DNAH9: variants seen among roughly 807,000 people sequenced by gnomAD.
DNAH9 encodes the protein dynein axonemal heavy chain 9, also known as DNAH9 variant protein.
Under a neutral mutation model 471.6 loss-of-function variants are expected in DNAH9, and 345 were observed. The observed-to-expected ratio is 0.73, with a 90% CI of 0.67 to 0.80. DNAH9 has a LOEUF of 0.80. Ranked by LOEUF, DNAH9 falls within the 30% of genes least tolerant of loss-of-function variation. The pLI is 0.00. For synonymous variants in DNAH9, 2,093 were observed against 2,123.6 expected, an observed-to-expected ratio of 0.99 and a Z score of 0.40; for missense variants, 5,407 against 5,609.2, an observed-to-expected ratio of 0.96 and a Z score of 1.15.
intron 59 of DNAH9, 96 bp from the exon 60 acceptor site, chr17:11,902,623 G>T: frequency 9.1e-7 from 1 of 1,102,950 alleles, no homozygotes; most frequent in Non-Finnish European, 1.3e-6. Context: ...AGACAGAATT[G>T]TGTAGATAAG....
chr17:11,783,815 A>T, intron 40 of DNAH9, 67 bp downstream of exon 40: 1 of 1,338,014 alleles, frequency 7.5e-7, no homozygotes, highest in South Asian at 1.2e-5. Flanking sequence ...CCTTGATTAT[A>T]AGTATAATAA....
intron 17 of DNAH9, among the ~76,000 whole-genome samples, chr17:11,670,496 G>T (rs1426035064): frequency 6.6e-6 from 1 of 152,110 alleles, no homozygotes; most frequent in Non-Finnish European, 1.5e-5. Context: ...TGGAGTGCTG[G>T]ATGAGACTGC....
rs544126048 is a variant in DNAH9, at chr17:11,768,646, C to A, written c.7344+20C>A. On this transcript the variant is annotated intron_variant, in intron 37 of 68. Transcript: ENST00000262442. ...TTGCAGGTGAGTGCAGCTGAGCAGC[C>A]GAGGACGTGCGTGCAGTTGCCCTCA... 1.9e-6 allele frequency: 3 copies of A among 1,608,758 alleles called. No homozygotes were observed. In the African/African-American group the frequency reaches 4.0e-5, roughly 22 times the overall value.
At chr17:11,938,320 G>A (rs1974780512) in intron 66 of DNAH9, among the ~76,000 whole-genome samples, 1 of 151,982 alleles carries the variant, frequency 6.6e-6, no homozygotes, top group Non-Finnish European at 1.5e-5. Context: ...TTAGCCGGGT[G>A]TGGTGGTGGG....
At chr17:11,940,197 C>T (rs916580815) in intron 66 of DNAH9, among the ~76,000 whole-genome samples, 4 of 152,202 alleles carry the variant, frequency 2.6e-5, no homozygotes, top group African/African-American at 9.7e-5. Context: ...TTGGAACCCA[C>T]TCCTCCTATC....
At position 11,929,896 on chromosome 17, in the gene DNAH9, A is replaced by G; in HGVS notation, c.11908A>G (p.Thr3970Ala). Residue 3970 changes from threonine to alanine, a missense_variant, in exon 63 of 69, where the codon ACC becomes GCC. Transcript: ENST00000262442. The stretch of plus-strand genomic sequence containing the variant: ...TCACCTGGTGGCCAAGTGGCTCAGC[A>G]CCCTGGAGAAGAAGCTGGAGGAGCA... ...NIHLVAKWLS[T>A]LEKKLEEHSE... The G allele has an allele frequency of 6.2e-7, 1 of 1,613,830 alleles. No homozygotes were observed.
At chr17:11,617,055 G>T (rs148771233) in intron 4 of DNAH9, among the ~76,000 whole-genome samples, 1 of 152,246 alleles carries the variant, frequency 6.6e-6, no homozygotes, top group African/African-American at 2.4e-5. Context: ...ATTGCCAAGC[G>T]TCTCGGCCAG....
At chr17:11,704,562 G>T in intron 25 of DNAH9, 120 bp downstream of exon 25, 2 of 883,970 alleles carry the variant, frequency 2.3e-6, no homozygotes, top group Non-Finnish European at 3.4e-6. Flanking sequence ...GCTGGGGGAG[G>T]ATCACAGTGG....
intron 48 of DNAH9, among the ~76,000 whole-genome samples, chr17:11,833,535 G>A (rs944788337): frequency 6.6e-6 from 1 of 152,164 alleles, no homozygotes; most frequent in Admixed American, 6.5e-5. Context: ...GGTTAGGGGA[G>A]CATGTTTGGC....
chr17:11,877,668 T>C (rs1972557625), intron 53 of DNAH9, among the ~76,000 whole-genome samples: 1 of 152,112 alleles, frequency 6.6e-6, no homozygotes. Flanking sequence ...ATTGAACACA[T>C]GATGTTAAAA....
At chr17:11,848,457 G>C (rs1341178761) in intron 49 of DNAH9, among the ~76,000 whole-genome samples, 2 of 151,294 alleles carry the variant, frequency 1.3e-5, no homozygotes, top group African/African-American at 4.9e-5. Flanking sequence ...GTGCATATAG[G>C]TTATCTCAAA....
chr17:11,959,258 A>G (rs1281819954), intron 67 of DNAH9, among the ~76,000 whole-genome samples: 2 of 152,216 alleles, frequency 1.3e-5, no homozygotes, highest in Admixed American at 6.5e-5. Flanking sequence ...AATGTCCTTC[A>G]TAACGTGGTA....
chr17:11,689,170 C>T (rs984344046), intron 19 of DNAH9, among the ~76,000 whole-genome samples: 5 of 152,026 alleles, frequency 3.3e-5, no homozygotes, highest in East Asian at 1.9e-4. Flanking sequence ...CTTGGCTTTC[C>T]GGCTTCTGCT....
intron 53 of DNAH9, 93 bp from the exon 54 acceptor site, chr17:11,879,985 C>G (rs1266766564): frequency 2.1e-6 from 3 of 1,440,676 alleles, no homozygotes; most frequent in Non-Finnish European, 2.9e-6. Context: ...ACTATACCAC[C>G]ATGTCTTAGA....
intron 53 of DNAH9, among the ~76,000 whole-genome samples, chr17:11,879,562 A>G (rs898042207): frequency 6.6e-6 from 1 of 152,182 alleles, no homozygotes; most frequent in East Asian, 1.9e-4. Context: ...AGCTATTTAC[A>G]TATTTATTAA....
At chr17:11,863,493 G>T in intron 50 of DNAH9, among the ~76,000 whole-genome samples, 1 of 152,050 alleles carries the variant, frequency 6.6e-6, no homozygotes, top group Non-Finnish European at 1.5e-5. Flanking sequence ...TTTTTTGGTT[G>T]TGTCTCTGCC....
chr17:11,686,580 C>G (rs187265072), intron 19 of DNAH9, among the ~76,000 whole-genome samples: 1 of 152,276 alleles, frequency 6.6e-6, no homozygotes, highest in Admixed American at 6.5e-5. Flanking sequence ...CCCTTCACAA[C>G]TTAGGCCAAG....
chr17:11,679,788 A>T lies in DNAH9; in HGVS notation c.3385A>T (p.Ser1129Cys). The T allele has an allele frequency of 3.1e-6, 5 of 1,614,136 alleles. No individual in the cohort carries two copies. The highest frequency in any genetic ancestry group is 4.2e-6 in the Non-Finnish European group (5 of 1,179,996). The change falls in exon 18 of 69, where the codon AGT becomes TGT. Residue 1129 changes from serine to cysteine, a missense_variant. This residue lies in a region of DNAH9 where 4,636 missense variants were observed against 4,900.3 expected (regional missense o/e 0.95). Transcript: ENST00000262442. ...LANLDAFIKK[S>C]ESGLLKKVEK... ...CAACCTGGATGCGTTTATAAAGAAG[A>T]GTGAGAGCGGCTTACTCAAGAAAGT...
At chr17:11,843,139 G>A (rs1015812095) in intron 49 of DNAH9, among the ~76,000 whole-genome samples, 1 of 152,136 alleles carries the variant, frequency 6.6e-6, no homozygotes, top group Non-Finnish European at 1.5e-5. Context: ...TGCAATGACA[G>A]CTCCCTTCAC....
Sources: gnomAD v4.1 joint callset for allele counts (sites outside exome capture counted in the v4.1 genomes callset) on GRCh38, gnomAD v4.1.1 for gene constraint, gnomAD v4.1.1 regional missense constraint, MANE v1.5 for transcripts, NCBI Gene and HGNC (gene_info 2026-07-23, HGNC 2026-07-21) for gene names.